SV2C: variants seen among roughly 807,000 people sequenced by gnomAD.
The protein encoded by SV2C is synaptic vesicle glycoprotein 2C.
In SV2C, 49 loss-of-function variants were observed where a neutral mutation model predicts 79.7. The observed-to-expected ratio is 0.61, with a 90% CI of 0.49 to 0.78. The LOEUF is 0.78. SV2C is among the 30% of genes least tolerant of loss of function. The pLI is 0.00. For synonymous variants in SV2C, 334 were observed against 333.2 expected (o/e 1.00, Z -0.03); for missense variants, 833 against 912.9 (o/e 0.91, Z 1.13).
At chr5:76,061,989 GAGTGTT>G in the SV2C span, among the ~76,000 whole-genome samples, 1 of 152,010 alleles carries the variant, frequency 6.6e-6, no homozygotes, top group African/African-American at 2.4e-5. Flanking sequence ...AATCAGGAAG[GAGTGTT>G]TAGCTGAAAT....
At chr5:76,316,544 G>T (rs1212761931) in intron 12 of SV2C, among the ~76,000 whole-genome samples, 1 of 152,168 alleles carries the variant, frequency 6.6e-6, no homozygotes, top group Non-Finnish European at 1.5e-5. Context: ...GGTTCAATCA[G>T]ATTGCTATCC....
At chr5:76,147,661 T>C (rs77285151) in intron 2 of SV2C, among the ~76,000 whole-genome samples, 9,328 of 152,246 alleles carry the variant, frequency 0.061, 772 homozygotes, top group East Asian at 0.39. Flanking sequence ...GTATGCAACC[T>C]AAAACATTCT....
chr5:76,055,271 C>G, the SV2C span, among the ~76,000 whole-genome samples: 1 of 152,102 alleles, frequency 6.6e-6, no homozygotes, highest in African/African-American at 2.4e-5. Flanking sequence ...TTCCCCATTG[C>G]TTGTTTTCAT....
rs756018103 is a variant in SV2C at position 76,295,806 on chromosome 5, G to A, written c.1366G>A (p.Asp456Asn). The A allele has an allele frequency of 2.8e-5, 45 of 1,611,704 alleles. No homozygotes were observed. Among genetic ancestry groups the A allele is most frequent in the Non-Finnish European group, 3.7e-5 (44 of 1,179,354 alleles). The change falls in exon 9 of 13, where the codon GAT becomes AAT. Residue 456 changes from aspartate (D) to asparagine (N), a missense_variant. By Grantham distance (23) the Asp-to-Asn change is conservative. Transcript: ENST00000502798. Reference sequence around the variant, plus strand: ...CTATGGATTATCCGTTTGGTTCCCTGATGTCATTAAACCTCTGCAGTCCGA... The same window carrying A: ...CTATGGATTATCCGTTTGGTTCCCTAATGTCATTAAACCTCTGCAGTCCGA... ...GYYGLSVWFP[D>N]VIKPLQSDEY...
chr5:76,085,944 C>T (rs1387233821), intron 1 of SV2C, among the ~76,000 whole-genome samples: 2 of 151,742 alleles, frequency 1.3e-5, no homozygotes, highest in Non-Finnish European at 2.9e-5. Flanking sequence ...CAAATGCAGA[C>T]AGCAGACTTT....
At chr5:76,320,972 T>C (rs1174880916) in intron 12 of SV2C, among the ~76,000 whole-genome samples, 1 of 152,212 alleles carries the variant, frequency 6.6e-6, no homozygotes, top group African/African-American at 2.4e-5. Flanking sequence ...CCGTGCTTAC[T>C]GCCCTTTATT....
chr5:75,946,322 A>G, the SV2C span, among the ~76,000 whole-genome samples: 1 of 152,198 alleles, frequency 6.6e-6, no homozygotes, highest in South Asian at 2.1e-4. Flanking sequence ...TTTGGAAAAG[A>G]TCATCATTTT....
the SV2C span, among the ~76,000 whole-genome samples, chr5:76,042,095 C>A: frequency 6.6e-6 from 1 of 152,356 alleles, no homozygotes; most frequent in African/African-American, 2.4e-5. Context: ...GTGCTGCTCA[C>A]AGGGTCTGGT....
chr5:75,908,245 C>A, the SV2C span, among the ~76,000 whole-genome samples: 14 of 152,184 alleles, frequency 9.2e-5, no homozygotes, highest in African/African-American at 3.1e-4. Context: ...CTAGGATTTG[C>A]CTGTTCTGGA....
chr5:76,033,515 C>T, the SV2C span, among the ~76,000 whole-genome samples: 3 of 152,160 alleles, frequency 2.0e-5, no homozygotes, highest in African/African-American at 7.2e-5. Context: ...ATCCTTTCCC[C>T]ATTGCTTATT....
intron 4 of SV2C, among the ~76,000 whole-genome samples, chr5:76,279,337 G>A (rs982980846): frequency 6.6e-6 from 1 of 152,186 alleles, no homozygotes; most frequent in African/African-American, 2.4e-5. Context: ...CAGTCTTGGA[G>A]ATAGATTAGT....
chr5:76,306,834 T>C (rs1301890786), intron 12 of SV2C, among the ~76,000 whole-genome samples: 1 of 152,208 alleles, frequency 6.6e-6, no homozygotes, highest in Non-Finnish European at 1.5e-5. Flanking sequence ...AATTACAAAT[T>C]AAAGCAATTA....
intron 8 of SV2C, among the ~76,000 whole-genome samples, chr5:76,292,917 C>T (rs1276671470): frequency 6.6e-6 from 1 of 152,208 alleles, no homozygotes; most frequent in Non-Finnish European, 1.5e-5. Flanking sequence ...TTCAGGTCAG[C>T]AGGAACTCAG....
At chr5:76,313,518 C>T (rs893699789) in intron 12 of SV2C, among the ~76,000 whole-genome samples, 5 of 152,202 alleles carry the variant, frequency 3.3e-5, no homozygotes, top group African/African-American at 1.2e-4. Flanking sequence ...GCCAAGTGTA[C>T]TAGCACAAAA....
intron 1 of SV2C, among the ~76,000 whole-genome samples, chr5:76,093,212 C>G (rs1056945921): frequency 6.6e-6 from 1 of 152,150 alleles, no homozygotes; most frequent in East Asian, 1.9e-4. Context: ...CATGCTCCTT[C>G]CAGTCATAAC....
chr5:75,911,455 C>A, the SV2C span: 5 of 949,494 alleles, frequency 5.3e-6, no homozygotes, highest in Admixed American at 4.6e-5. Flanking sequence ...AAACCCCAGG[C>A]CCTCCTCAGG....
chr5:76,200,661 A>G (rs34245333), intron 3 of SV2C, among the ~76,000 whole-genome samples: 46,060 of 151,844 alleles, frequency 0.3, 7,640 homozygotes, highest in East Asian at 0.6. Flanking sequence ...GTTTTTTGAG[A>G]TGGGATCTCA....
chr5:76,077,256 A>G, the SV2C span, among the ~76,000 whole-genome samples: 75 of 152,302 alleles, frequency 4.9e-4, no homozygotes, highest in African/African-American at 1.6e-3. Context: ...GCAGCAGAGC[A>G]TGTTAAATAG....
the SV2C span, among the ~76,000 whole-genome samples, chr5:76,016,254 TA>T: frequency 1.0e-3 from 93 of 90,350 alleles, 2 homozygotes; most frequent in East Asian, 2.4e-3. Context: ...TTTAATTTTC[TA>T]AAAAAAAAAA....
Sources: allele counts gnomAD v4.1 joint callset (sites outside exome capture counted in the v4.1 genomes callset), GRCh38; gene constraint gnomAD v4.1.1; transcripts MANE v1.5; gene names NCBI Gene and HGNC (gene_info 2026-07-23, HGNC 2026-07-21).